DCC: variants seen among roughly 807,000 people sequenced by gnomAD.
DCC encodes netrin receptor DCC.
In DCC, 58 loss-of-function variants were observed where a neutral mutation model predicts 172.5. The ratio of observed to expected loss-of-function variants is 0.34; its 90% CI spans 0.27 to 0.42. DCC has a LOEUF of 0.42. Among genes scored for constraint, DCC ranks in the 10% least tolerant of loss-of-function variants. The probability of loss-of-function intolerance (pLI) is 1.00; values close to 1 mark genes in which losing one functional copy is unlikely to be tolerated. For missense variants in DCC, 1,740 were observed against 1,791.0 expected (o/e 0.97, Z 0.51); for synonymous variants, 709 against 644.5 (o/e 1.10, Z -1.52).
intron 2 of DCC, among the ~76,000 whole-genome samples, chr18:52,830,928 A>G (rs898793710): frequency 7.2e-5 from 11 of 152,174 alleles, no homozygotes. Context: ...TAATGGCTGC[A>G]ATAAACAATT....
intron 11 of DCC, among the ~76,000 whole-genome samples, chr18:53,208,099 G>A (rs902270818): frequency 1.2e-4 from 18 of 147,100 alleles, no homozygotes; most frequent in African/African-American, 4.5e-4. Flanking sequence ...CCCTATCTCT[G>A]TAAATGTTTT....
At chr18:53,411,825 A>G (rs1218329894) in intron 20 of DCC, among the ~76,000 whole-genome samples, 2 of 152,162 alleles carry the variant, frequency 1.3e-5, no homozygotes, top group Non-Finnish European at 2.9e-5. Context: ...TGAGGACTTC[A>G]TGTCTAAATC....
At chr18:52,679,903 T>TA (rs2035714067) in intron 1 of DCC, among the ~76,000 whole-genome samples, 1 of 151,990 alleles carries the variant, frequency 6.6e-6, no homozygotes, top group Admixed American at 6.6e-5. Flanking sequence ...ATAGACTTTT[T>TA]AAAAAATCAT....
chr18:53,397,672 G>A (rs1018856388), intron 18 of DCC, among the ~76,000 whole-genome samples: 4 of 152,134 alleles, frequency 2.6e-5, no homozygotes, highest in South Asian at 2.1e-4. Flanking sequence ...ATTAATACAC[G>A]GTTTCTTCAG....
At chr18:52,783,639 C>T (rs2037597235) in intron 2 of DCC, among the ~76,000 whole-genome samples, 1 of 151,520 alleles carries the variant, frequency 6.6e-6, no homozygotes, top group Non-Finnish European at 1.5e-5. Context: ...ATGTCTAATC[C>T]CTCTAAATAC....
intron 15 of DCC, among the ~76,000 whole-genome samples, chr18:53,341,565 A>G (rs1307132169): frequency 2.0e-5 from 3 of 152,208 alleles, no homozygotes; most frequent in African/African-American, 7.2e-5. Flanking sequence ...GAGTAATTAC[A>G]TACACACATA....
chr18:52,456,071 A>G (rs1988448749), intron 1 of DCC, among the ~76,000 whole-genome samples: 1 of 152,208 alleles, frequency 6.6e-6, no homozygotes, highest in Non-Finnish European at 1.5e-5. Flanking sequence ...GCTGCATCGT[A>G]TCAAGGTATG....
intron 3 of DCC, among the ~76,000 whole-genome samples, chr18:52,921,748 G>T (rs982987618): frequency 1.3e-5 from 2 of 150,500 alleles, no homozygotes; most frequent in African/African-American, 2.4e-5. Context: ...AAAGGAAAAA[G>T]TGTCCCTTCC....
chr18:52,835,398 G>A (rs1304645074), intron 2 of DCC, among the ~76,000 whole-genome samples: 2 of 152,078 alleles, frequency 1.3e-5, no homozygotes. Flanking sequence ...TGTAAAGCAT[G>A]GATTTTAAAT....
At chr18:53,511,639 G>C (rs969684) in intron 27 of DCC, among the ~76,000 whole-genome samples, 15,466 of 152,188 alleles carry the variant, frequency 0.1, 2,196 homozygotes, top group African/African-American at 0.32. Flanking sequence ...GAGGCATTGC[G>C]TCACTTGGGA....
At chr18:52,827,103 T>C (rs1266874816) in intron 2 of DCC, among the ~76,000 whole-genome samples, 13 of 152,316 alleles carry the variant, frequency 8.5e-5, no homozygotes, top group Admixed American at 2.0e-4. Flanking sequence ...GAGAGATGAC[T>C]TTATACGTGA....
At chr18:52,456,612 G>A (rs1025429843) in intron 1 of DCC, among the ~76,000 whole-genome samples, 3 of 152,246 alleles carry the variant, frequency 2.0e-5, no homozygotes, top group South Asian at 4.1e-4. Context: ...TAGGCCCAAT[G>A]TATGACATGA....
rs1857913014 is a variant in DCC at position 53,535,786 on chromosome 18, C to T, written c.*5133C>T. 1 of 151,974 alleles carries T rather than the reference C, an allele frequency of 6.6e-6. No individual in the cohort carries two copies. The highest frequency in any genetic ancestry group is 1.9e-4 in the East Asian group (1 of 5,200). 9.4% of individuals were successfully genotyped at this position (151,974 alleles called of 1,614,324 possible). On this transcript the variant is annotated 3_prime_UTR_variant, in exon 29 of 29. Transcript: ENST00000442544. ...CTACACATGATCTTGTATACTACTACACAAGGAAAAGGGGGTTTTGTAAAC... is the reference window on the plus strand; with the variant it reads ...CTACACATGATCTTGTATACTACTATACAAGGAAAAGGGGGTTTTGTAAAC...
chr18:53,014,053 A>C (rs751672260), intron 5 of DCC, among the ~76,000 whole-genome samples: 2 of 152,166 alleles, frequency 1.3e-5, no homozygotes, highest in Non-Finnish European at 1.5e-5. Flanking sequence ...GCTGTACCTC[A>C]AACCCAGTCA....
intron 1 of DCC, among the ~76,000 whole-genome samples, chr18:52,550,961 G>A (rs776911780): frequency 4.0e-5 from 6 of 151,714 alleles, no homozygotes; most frequent in Non-Finnish European, 7.4e-5. Context: ...TTAAAAAAAT[G>A]AATGCTAATG....
intron 1 of DCC, among the ~76,000 whole-genome samples, chr18:52,501,754 T>TA (rs2031030755): frequency 1.3e-5 from 2 of 152,158 alleles, no homozygotes; most frequent in African/African-American, 4.8e-5. Context: ...TGAGTGGATA[T>TA]TTTTTCTAAT....
chr18:53,177,765 T>G (rs1241940968), intron 8 of DCC, among the ~76,000 whole-genome samples: 1 of 152,116 alleles, frequency 6.6e-6, no homozygotes, highest in East Asian at 1.9e-4. Flanking sequence ...TCACAAGGCC[T>G]CAACTAGACT....
chr18:52,816,001 A>G (rs1161199759), intron 2 of DCC, among the ~76,000 whole-genome samples: 1 of 152,226 alleles, frequency 6.6e-6, no homozygotes, highest in Non-Finnish European at 1.5e-5. Context: ...TTAGTGAATA[A>G]TAAGTAATAG....
At chr18:52,378,656 C>A (rs919653698) in intron 1 of DCC, among the ~76,000 whole-genome samples, 1 of 152,106 alleles carries the variant, frequency 6.6e-6, no homozygotes, top group African/African-American at 2.4e-5. Flanking sequence ...AAGTGATCCC[C>A]TCACCTCAGC....
Sources: allele counts gnomAD v4.1 joint callset (sites outside exome capture counted in the v4.1 genomes callset), GRCh38; gene constraint gnomAD v4.1.1; transcripts MANE v1.5; gene names NCBI Gene and HGNC (gene_info 2026-07-23, HGNC 2026-07-21).